Variants in TENM3 observed in about 807,000 individuals in gnomAD.
TENM3 encodes the protein teneurin transmembrane protein 3.
In TENM3, 63 loss-of-function variants were observed where a neutral mutation model predicts 255.1. The ratio of observed to expected loss-of-function variants is 0.25; its 90% CI spans 0.20 to 0.30. The LOEUF (loss-of-function observed/expected upper bound fraction) is 0.30, where lower values mean the gene tolerates loss of function less well. TENM3 is among the 10% of genes least tolerant of loss of function. The probability of loss-of-function intolerance (pLI) is 1.00; values close to 1 mark genes in which losing one functional copy is unlikely to be tolerated. For missense variants in TENM3, 2,929 were observed against 3,461.1 expected (o/e 0.85, Z 3.86); for synonymous variants, 1,306 against 1,322.3 (o/e 0.99, Z 0.27).
intron 3 of TENM3, among the ~76,000 whole-genome samples, chr4:182,515,622 G>T (rs1351563254): frequency 6.6e-6 from 1 of 152,144 alleles, no homozygotes; most frequent in Non-Finnish European, 1.5e-5. Context: ...GTGTAAATTA[G>T]TTTGGAGAGA....
the TENM3 span, among the ~76,000 whole-genome samples, chr4:181,551,622 G>A: frequency 2.0e-5 from 3 of 151,866 alleles, no homozygotes; most frequent in Non-Finnish European, 2.9e-5. Flanking sequence ...CCTCTGTCAG[G>A]GATATAGGGC....
At chr4:181,655,976 G>A in the TENM3 span, among the ~76,000 whole-genome samples, 11 of 152,268 alleles carry the variant, frequency 7.2e-5, no homozygotes, top group East Asian at 1.9e-4. Context: ...TGAGCAGACC[G>A]GGATGATGGT....
At chr4:182,387,951 A>C (rs1244395633) in intron 3 of TENM3, among the ~76,000 whole-genome samples, 3 of 152,004 alleles carry the variant, frequency 2.0e-5, no homozygotes, top group Non-Finnish European at 2.9e-5. Context: ...AAAAAAAAAA[A>C]AAACCAACAA....
chr4:182,435,668 G>A (rs922409980), intron 3 of TENM3, among the ~76,000 whole-genome samples: 3 of 152,182 alleles, frequency 2.0e-5, no homozygotes, highest in African/African-American at 7.2e-5. Flanking sequence ...GGAGGAATGT[G>A]AGAAAATAGG....
intron 4 of TENM3, among the ~76,000 whole-genome samples, chr4:182,603,685 A>G (rs184389281): frequency 2.6e-4 from 40 of 151,452 alleles, no homozygotes; most frequent in African/African-American, 9.4e-4. Context: ...AGTTTCAGCT[A>G]TATTAACAAC....
chr4:182,640,206 A>T (rs1348502476), intron 5 of TENM3, among the ~76,000 whole-genome samples: 1 of 152,248 alleles, frequency 6.6e-6, no homozygotes, highest in Non-Finnish European at 1.5e-5. Context: ...ATTTTAAGTC[A>T]ATCACTTAAA....
the TENM3 span, among the ~76,000 whole-genome samples, chr4:181,888,501 TATATATATATATATGTATATATATAC>T: frequency 1.3e-4 from 3 of 23,536 alleles, no homozygotes; most frequent in African/African-American, 3.5e-4. Flanking sequence ...TGTGTATATA[TATATATATATATATGTATATATATAC>T]ATATATGTGT....
chr4:182,675,556 A>C (rs1266223981), intron 7 of TENM3, among the ~76,000 whole-genome samples: 2 of 152,148 alleles, frequency 1.3e-5, no homozygotes, highest in Non-Finnish European at 2.9e-5. Flanking sequence ...GAAAAAAAAA[A>C]AAAGCAGATT....
At chr4:181,666,263 C>T in the TENM3 span, among the ~76,000 whole-genome samples, 97 of 152,202 alleles carry the variant, frequency 6.4e-4, no homozygotes, top group African/African-American at 2.1e-3. Flanking sequence ...TTATTTATTT[C>T]GGATAGATTT....
chr4:181,992,923 TAC>T, the TENM3 span, among the ~76,000 whole-genome samples: 1 of 152,184 alleles, frequency 6.6e-6, no homozygotes, highest in Non-Finnish European at 1.5e-5. Flanking sequence ...TCCATACTTC[TAC>T]CATGAAGCTT....
the TENM3 span, among the ~76,000 whole-genome samples, chr4:181,683,688 GAGAGGCGA>G: frequency 6.6e-6 from 1 of 152,178 alleles, no homozygotes; most frequent in East Asian, 1.9e-4. Context: ...GATGGTCTAG[GAGAGGCGA>G]AGAGGGTATG....
Position 182,324,132 on chromosome 4 carries a change from C to G in TENM3, c.112C>G (p.Gln38Glu). 6.2e-7 allele frequency: 1 copy of G among 1,614,006 alleles called. No individual in the cohort carries two copies. Among genetic ancestry groups the G allele is most frequent in the Non-Finnish European group, 8.5e-7 (1 of 1,179,880 alleles). Residue 38 changes from glutamine (Q) to glutamate (E), a missense_variant, in exon 2 of 28, where the codon CAG becomes GAG. By Grantham distance (29) the Gln-to-Glu change is conservative. Around this residue, in one of 6 missense-constraint regions of TENM3, gnomAD observed 283 missense variants for 256.9 expected, o/e 1.10. Transcript: ENST00000511685. The part of the protein sequence containing the change: ...ADNEECRVPT[Q>E]KSYSSSETLK... ...CAATGAGGAGTGCCGGGTACCCACA[C>G]AGAAGTCCTACAGTTCCAGCGAGAC...
At chr4:181,899,629 G>A in the TENM3 span, among the ~76,000 whole-genome samples, 105 of 151,926 alleles carry the variant, frequency 6.9e-4, 1 homozygote, top group Middle Eastern at 6.8e-3. Context: ...GTGCAGTGGC[G>A]CGATCTCAGC....
the TENM3 span, among the ~76,000 whole-genome samples, chr4:182,016,190 T>C: frequency 6.6e-6 from 1 of 152,314 alleles, no homozygotes; most frequent in African/African-American, 2.4e-5. Context: ...GGAAATGTGC[T>C]CTATCACACG....
rs946691972 is a variant in TENM3, at chr4:182,601,023, A to G, written c.611A>G (p.Asn204Ser). 4 of 1,612,520 alleles carry G rather than the reference A, an allele frequency of 2.5e-6. No homozygotes were observed. Among genetic ancestry groups the G allele is most frequent in the Non-Finnish European group, 3.4e-6 (4 of 1,179,656 alleles). The change falls in exon 4 of 28, where the codon AAC (asparagine) becomes AGC (serine). Residue 204 changes from asparagine to serine, a missense_variant. Physicochemically the swap from Asn to Ser is conservative, Grantham distance 46. Around this residue, in one of 6 missense-constraint regions of TENM3, gnomAD observed 283 missense variants for 256.9 expected, o/e 1.10. Coordinates refer to ENST00000511685, the MANE Select transcript of TENM3 (RefSeq NM_001080477.4). ...CATCATCCATCCATCACTTCTCTCAACAGAAACTCCCTGACCAATAGAAGG... is the reference window on the plus strand; with the variant it reads ...CATCATCCATCCATCACTTCTCTCAGCAGAAACTCCCTGACCAATAGAAGG... ...AQHHPSITSL[N>S]RNSLTNRRNQ...
At chr4:182,245,301 G>A (rs1057099073) in intron 1 of TENM3, among the ~76,000 whole-genome samples, 7 of 152,184 alleles carry the variant, frequency 4.6e-5, no homozygotes, top group Admixed American at 2.6e-4. Flanking sequence ...TGTCTCATGT[G>A]ATGTAGCATC....
At position 182,802,175 on chromosome 4, in the gene TENM3, C is replaced by G. The variant is rs1216068839; in HGVS notation, c.*1824C>G. Reference sequence around the variant, plus strand: ...AAAATAGCTACTGAATTTACAGTATCAGTGCTATTACTGTCTTTGTGTATT... The same window carrying G: ...AAAATAGCTACTGAATTTACAGTATGAGTGCTATTACTGTCTTTGTGTATT... On this transcript the variant is annotated 3_prime_UTR_variant, in exon 28 of 28. Transcript: ENST00000511685. 1 of 152,636 alleles carries G rather than the reference C, an allele frequency of 6.6e-6. No homozygotes were observed. Among genetic ancestry groups the G allele is most frequent in the African/African-American group, 2.4e-5 (1 of 41,454 alleles). The allele number at this position is 152,636 out of a possible 1,614,324, so 9.5% of individuals were successfully genotyped here.
At chr4:181,461,750 TTG>T in the TENM3 span, among the ~76,000 whole-genome samples, 1 of 152,176 alleles carries the variant, frequency 6.6e-6, no homozygotes, top group African/African-American at 2.4e-5. Flanking sequence ...CTCATCATGT[TTG>T]TGTTTTCTTC....
At chr4:181,645,821 G>GT in the TENM3 span, among the ~76,000 whole-genome samples, 1 of 152,298 alleles carries the variant, frequency 6.6e-6, no homozygotes, top group African/African-American at 2.4e-5. Flanking sequence ...TTATACATCT[G>GT]TGAGTTTCAC....
Sources: gnomAD v4.1 joint callset for allele counts (sites outside exome capture counted in the v4.1 genomes callset) on GRCh38, gnomAD v4.1.1 for gene constraint, gnomAD v4.1.1 regional missense constraint, MANE v1.5 for transcripts, NCBI Gene and HGNC (gene_info 2026-07-23, HGNC 2026-07-21) for gene names.